ZSWIM4: variants seen among roughly 807,000 people sequenced by gnomAD.
The protein encoded by ZSWIM4 is zinc finger SWIM domain-containing protein 4.
A neutral mutation model predicts 102.5 loss-of-function variants in ZSWIM4; 62 were observed. That is an observed-to-expected ratio of 0.60 (90% confidence interval 0.49 to 0.75). The LOEUF is 0.75. Ranked by LOEUF, ZSWIM4 falls within the 30% of genes least tolerant of loss-of-function variation. The pLI is 0.00. For synonymous variants in ZSWIM4, 652 were observed against 674.5 expected, an observed-to-expected ratio of 0.97 and a Z score of 0.52; for missense variants, 1,280 against 1,529.6, an observed-to-expected ratio of 0.84 and a Z score of 2.72.
At chr19:13,815,553 C>A (rs940549038) in intron 7 of ZSWIM4, among the ~76,000 whole-genome samples, 14 of 146,572 alleles carry the variant, frequency 9.6e-5, no homozygotes, top group African/African-American at 3.6e-4. Context: ...TTACTGCAAC[C>A]TCTGCCTCCC....
chr19:13,826,144 A>G lies in ZSWIM4; in HGVS notation c.2379+431A>G, dbSNP rs553070328. On this transcript the variant is annotated intron_variant, in intron 12 of 13. Coordinates refer to ENST00000590508, the MANE Select transcript of ZSWIM4 (RefSeq NM_001367834.3). ...GGGGTTCCCAGTAGGGATGAAGCCT[A>G]TGAATTATTAATAGAATCCGTCTAT... Among the ~76,000 whole-genome samples the G allele has an allele frequency of 1.7e-3, 256 of 152,276 alleles. 1 individual carries two copies. Among genetic ancestry groups the G allele is most frequent in the African/African-American group, 5.3e-3 (220 of 41,540 alleles).
Position 13,817,844 on chromosome 19 carries a change from C to T in ZSWIM4, c.1792C>T (p.Leu598=), listed in dbSNP as rs1346498955. 1.3e-6 allele frequency: 2 copies of T among 1,564,070 alleles called. No individual in the cohort carries two copies. The highest frequency in any genetic ancestry group is 1.9e-5 in the Admixed American group (1 of 51,320). ...GCTGGGGCTGGGGCAGCAGCGGGCC[C>T]TGCCGGAGGGGCTGTACGCCCAGGA... is the stretch of plus-strand genomic sequence containing the variant. ...ALLGLGQQRA[L]PEGLYAQDKV... The change falls in exon 9 of 14, where the codon CTG becomes TTG. Residue 598 remains leucine (L), a synonymous_variant. Transcript: ENST00000590508.
chr19:13,826,237 T>C (rs1230181489), intron 12 of ZSWIM4, among the ~76,000 whole-genome samples: 1 of 151,946 alleles, frequency 6.6e-6, no homozygotes, highest in East Asian at 1.9e-4. Flanking sequence ...AGCCAGCAGA[T>C]GGATCGCAAG....
chr19:13,815,962 AAGAG>A lies in ZSWIM4; in HGVS notation c.1531+1106_1531+1109del, dbSNP rs61398620. On this transcript the variant is annotated intron_variant, in intron 7 of 13. Transcript: ENST00000590508. ...CGTCTCAAAAAATTAAAAAAAAAAA[AAGAG>A]AGAGAGAGGAGAGCGAGGAGAGAGA... Among the ~76,000 whole-genome samples, 53 of 147,524 alleles carry A rather than the reference AAGAG, an allele frequency of 3.6e-4. 1 individual carries two copies. The highest frequency in any genetic ancestry group is 6.0e-4 in the East Asian group (3 of 5,040).
intron 5 of ZSWIM4, among the ~76,000 whole-genome samples, chr19:13,812,757 A>G (rs1178169396): frequency 6.6e-6 from 1 of 151,784 alleles, no homozygotes; most frequent in Non-Finnish European, 1.5e-5. Flanking sequence ...GGCGTGAGTC[A>G]TCACGCCTGA....
intron 1 of ZSWIM4, among the ~76,000 whole-genome samples, chr19:13,799,113 T>C (rs764250792): frequency 1.4e-3 from 206 of 151,924 alleles, no homozygotes; most frequent in Admixed American, 2.5e-3. Flanking sequence ...GGGATCTTGC[T>C]CTGTTGCCCA....
Position 13,799,768 on chromosome 19 carries a change from G to A in ZSWIM4, c.202G>A (p.Val68Met), listed in dbSNP as rs572209556. The A allele has an allele frequency of 2.0e-5, 32 of 1,614,018 alleles. No individual in the cohort carries two copies. The highest frequency in any genetic ancestry group is 1.8e-4 in the Admixed American group (11 of 60,006). ...GCCTGAGCCCGTCCAGAAGCGCATC[G>A]TGTTTTGGTCGTTTCCACGCAGTGA... ...RVPEPVQKRI[V>M]FWSFPRSERE... is the part of the protein sequence containing the mutation. The change falls in exon 2 of 14, where the codon GTG (valine) becomes ATG (methionine). Residue 68 changes from valine to methionine, a missense_variant. Transcript: ENST00000590508.
chr19:13,795,828 CA>C (rs1255064493), intron 1 of ZSWIM4, 27 bp downstream of exon 1: 1 of 1,217,816 alleles, frequency 8.2e-7, no homozygotes, highest in African/African-American at 1.6e-5. Context: ...GGGGCGGGGG[CA>C]GGGACGCACC....
chr19:13,809,221 G>A lies in ZSWIM4; in HGVS notation c.1012+1G>A. On this transcript the variant is annotated splice_donor_variant, in intron 5 of 13. Coordinates refer to ENST00000590508, the MANE Select transcript of ZSWIM4 (RefSeq NM_001367834.3). LOFTEE classifies it high-confidence loss of function. The surrounding 1 kb of genome is among the most constrained non-coding windows in gnomAD (Gnocchi z 4.2). ...TGCCGGCAGCTCTGGGATGAGCTGG[G>A]TGAGGCCCAAACCCCGGTGCGTGGT... is the stretch of plus-strand genomic sequence containing the variant. 6.3e-7 allele frequency: 1 copy of A among 1,599,514 alleles called. No individual in the cohort carries two copies. The highest frequency in any genetic ancestry group is 8.5e-7 in the Non-Finnish European group (1 of 1,173,244).
chr19:13,828,595 G>A (rs1310211389), intron 12 of ZSWIM4, 50 bp from the exon 13 acceptor site: 26 of 1,584,682 alleles, frequency 1.6e-5, no homozygotes, highest in Non-Finnish European at 2.3e-5. Flanking sequence ...CCCTCCATAG[G>A]CCAGCCCAAG....
Position 13,814,706 on chromosome 19 carries a change from C to G in ZSWIM4, c.1372C>G (p.Leu458Val), listed in dbSNP as rs1975217173. Residue 458 changes from leucine to valine, a missense_variant, in exon 7 of 14, where the codon CTG (leucine) becomes GTG (valine). Physicochemically the swap from Leu to Val is conservative, Grantham distance 32. Coordinates refer to ENST00000590508, the MANE Select transcript of ZSWIM4 (RefSeq NM_001367834.3). The part of the protein sequence containing the change: ...KPTFDPQGRP[L>V]WLGEPFPTAC... Reference sequence around the variant, plus strand: ...GACTTTCGACCCCCAGGGCCGCCCACTGTGGCTGGGAGAACCTTTCCCCAC... The same window carrying G: ...GACTTTCGACCCCCAGGGCCGCCCAGTGTGGCTGGGAGAACCTTTCCCCAC... 1 of 1,287,810 alleles carries G rather than the reference C, an allele frequency of 7.8e-7. No homozygotes were observed. The highest frequency in any genetic ancestry group is 1.0e-6 in the Non-Finnish European group (1 of 987,414). 79.8% of individuals were successfully genotyped at this position (1,287,810 alleles called of 1,614,324 possible).
chr19:13,809,135 G>T lies in ZSWIM4; in HGVS notation c.927G>T (p.Gln309His). The T allele has an allele frequency of 6.2e-7, 1 of 1,613,852 alleles. No homozygotes were observed. The highest frequency in any genetic ancestry group is 1.3e-5 in the African/African-American group (1 of 75,068). Residue 309 changes from glutamine to histidine, a missense_variant, in exon 5 of 14, where the codon CAG (glutamine) becomes CAT (histidine). By Grantham distance (24) the Gln-to-His change is conservative (BLOSUM62 0). Transcript: ENST00000590508. The surrounding 1 kb of genome is among the most constrained non-coding windows in gnomAD (Gnocchi z 4.2). ...GARMLILMTE[Q>H]FLQDTRLALW... Reference sequence around the variant, plus strand: ...GCATGCTGATTCTCATGACCGAGCAGTTCCTGCAGGACACGCGCCTGGCCC... The same window carrying T: ...GCATGCTGATTCTCATGACCGAGCATTTCCTGCAGGACACGCGCCTGGCCC...
At position 13,830,889 on chromosome 19, in the gene ZSWIM4, C is replaced by G. The variant is rs767719838; in HGVS notation, c.3160C>G (p.Arg1054Gly). Reference protein sequence around the residue: ...SHSRLTHISPRHYGDFIEFLG... With the variant: ...SHSRLTHISPGHYGDFIEFLG... ...CTCGCGCCTCACGCACATCAGCCCGCGGCACTATGGGGATTTCATCGAATT... is the reference window on the plus strand; with the variant it reads ...CTCGCGCCTCACGCACATCAGCCCGGGGCACTATGGGGATTTCATCGAATT... The change falls in exon 14 of 14, where the codon CGG becomes GGG. Residue 1054 changes from arginine (R) to glycine (G), a missense_variant. By Grantham distance (125) the Arg-to-Gly change is moderately radical. Coordinates refer to ENST00000590508, the MANE Select transcript of ZSWIM4 (RefSeq NM_001367834.3). 6.8e-6 allele frequency: 11 copies of G among 1,614,194 alleles called. No homozygotes were observed. The highest frequency in any genetic ancestry group is 9.3e-6 in the Non-Finnish European group (11 of 1,180,022).
chr19:13,827,950 TC>T (rs2145380034), intron 12 of ZSWIM4, among the ~76,000 whole-genome samples: 1 of 152,246 alleles, frequency 6.6e-6, no homozygotes, highest in East Asian at 1.9e-4. Context: ...GTTGGTTTGT[TC>T]CGGCATAGGA....
At chr19:13,799,970 C>T (rs769682755) in intron 2 of ZSWIM4, 49 bp downstream of exon 2, 8 of 1,561,770 alleles carry the variant, frequency 5.1e-6, no homozygotes, top group African/African-American at 2.7e-5. Flanking sequence ...AGGTCCATAC[C>T]AGGCCTGGAA....
At chr19:13,811,074 C>G (rs1165887096) in intron 5 of ZSWIM4, among the ~76,000 whole-genome samples, 1 of 151,300 alleles carries the variant, frequency 6.6e-6, no homozygotes, top group African/African-American at 2.4e-5. Context: ...CCACCACGCC[C>G]GGCTAATTTT....
intron 12 of ZSWIM4, among the ~76,000 whole-genome samples, chr19:13,827,007 G>A (rs1036502678): frequency 6.6e-6 from 1 of 152,064 alleles, no homozygotes; most frequent in East Asian, 1.9e-4. Context: ...GAATAGGGCC[G>A]GGCACAGTGC....
At chr19:13,824,453 C>G (rs765940441) in intron 11 of ZSWIM4, among the ~76,000 whole-genome samples, 27 of 151,526 alleles carry the variant, frequency 1.8e-4, no homozygotes, top group Admixed American at 4.0e-4. Context: ...AAAAATTAGC[C>G]AGGCACAGTG....
intron 1 of ZSWIM4, among the ~76,000 whole-genome samples, chr19:13,798,887 C>A (rs1490074748): frequency 6.6e-6 from 1 of 152,196 alleles, no homozygotes; most frequent in African/African-American, 2.4e-5. Flanking sequence ...CTCCCGGGTT[C>A]AAGTGGTTCT....
Sources: gnomAD v4.1 joint callset for allele counts (sites outside exome capture counted in the v4.1 genomes callset) on GRCh38, gnomAD v4.1.1 for gene constraint, Gnocchi (gnomAD v3.1) non-coding constraint, MANE v1.5 for transcripts, NCBI Gene and HGNC (gene_info 2026-07-23, HGNC 2026-07-21) for gene names.